Variants in PDE1B observed in about 807,000 individuals in gnomAD.
The protein encoded by PDE1B is dual specificity calcium/calmodulin-dependent 3',5'-cyclic nucleotide phosphodiesterase 1B.
Under a neutral mutation model 66.7 loss-of-function variants are expected in PDE1B, and 13 were observed. That is an observed-to-expected ratio of 0.19 (90% CI 0.13 to 0.31). PDE1B has a LOEUF of 0.31. Among genes scored for constraint, PDE1B ranks in the 10% least tolerant of loss-of-function variants. The probability of loss-of-function intolerance (pLI) is 1.00; values close to 1 mark genes in which losing one functional copy is unlikely to be tolerated. For synonymous variants in PDE1B, 230 were observed against 253.9 expected (o/e 0.91, Z 0.90); for missense variants, 485 against 682.3 (o/e 0.71, Z 3.22).
In PDE1B at chr12:54,569,073, CAGAG is replaced by C. The variant is rs779405154; in HGVS notation, c.228-108_228-105del. ...GAAAGAAAGGAAACAGGGTTGAAGA[CAGAG>C]AGCTGGCATGAGAGTTACTAAATGT... On this transcript the variant is annotated intron_variant, in intron 3 of 15. Transcript: ENST00000243052. The surrounding 1 kb of genome is among the most constrained non-coding windows in gnomAD (Gnocchi z 4.4). 7.5e-6 allele frequency: 11 copies of C among 1,462,302 alleles called. No individual in the cohort carries two copies. The African/African-American group carries it at 1.4e-4, about 19-fold the overall frequency. The allele number at this position is 1,462,302 out of a possible 1,614,324, so 90.6% of individuals were successfully genotyped here.
At chr12:54,572,336 T>A in intron 6 of PDE1B, 1 of 524,234 alleles carries the variant, frequency 1.9e-6, no homozygotes, top group South Asian at 2.8e-5. Flanking sequence ...AAATGCCTTG[T>A]ACTTATCTCA....
In PDE1B at chr12:54,569,566, C is replaced by A. The variant is rs779289555; in HGVS notation, c.431C>A (p.Thr144Asn). Residue 144 changes from threonine to asparagine, a missense_variant, in exon 5 of 16, where the codon ACC (threonine) becomes AAC (asparagine). This residue lies in a region of PDE1B where 282 missense variants were observed against 453.4 expected (regional missense o/e 0.62). Coordinates refer to ENST00000243052, the MANE Select transcript of PDE1B (RefSeq NM_000924.4). The surrounding 1 kb of genome is among the most constrained non-coding windows in gnomAD (Gnocchi z 4.4). ...CTCAGGATGTTCCGGAGAACATACA[C>A]CTCTGTGGGCCCCACTTACTCTACT... is the stretch of plus-strand genomic sequence containing the variant. Reference protein sequence around the residue: ...FVERMFRRTYTSVGPTYSTAV... With the variant: ...FVERMFRRTYNSVGPTYSTAV... 1.2e-6 allele frequency: 2 copies of A among 1,613,606 alleles called. No individual in the cohort carries two copies.
In PDE1B at chr12:54,573,394, G is replaced by A; in HGVS notation, c.876G>A (p.Leu292=). 10 of 1,614,032 alleles carry A rather than the reference G, an allele frequency of 6.2e-6. No individual in the cohort carries two copies. The highest frequency in any genetic ancestry group is 1.1e-5 in the South Asian group (1 of 91,080). The change falls in exon 9 of 16, where the codon CTG becomes CTA. Residue 292 remains leucine (L), a synonymous_variant. Transcript: ENST00000243052. The surrounding 1 kb of genome is among the most constrained non-coding windows in gnomAD (Gnocchi z 5.2). ...TCGTGTACAATGATCGTTCAGTGCT[G>A]GAGAATCACCACATCAGCTCTGTTT... ...CAIVYNDRSV[L]ENHHISSVFR...
At chr12:54,554,477 C>A (rs942933421) in intron 2 of PDE1B, 2 of 152,280 alleles carry the variant, frequency 1.3e-5, no homozygotes, top group Admixed American at 6.5e-5. Context: ...TTTCATACCC[C>A]ACTTTTCCAT....
At chr12:54,560,630 T>A (rs1054715073) in intron 2 of PDE1B, among the ~76,000 whole-genome samples, 6 of 152,294 alleles carry the variant, frequency 3.9e-5, no homozygotes, top group South Asian at 4.1e-4. Context: ...CACTTGGAGC[T>A]GCAGAGGCTG....
intron 6 of PDE1B, chr12:54,570,606 C>T (rs1352277886): frequency 4.3e-6 from 2 of 468,186 alleles, no homozygotes; most frequent in Non-Finnish European, 3.9e-6. Context: ...TCTGCTCTCT[C>T]CCGCTTTGCT....
chr12:54,550,352 G>T (rs1957258807), intron 2 of PDE1B: 1 of 673,752 alleles, frequency 1.5e-6, no homozygotes, highest in Non-Finnish European at 2.0e-6. Context: ...TTGTGCAGAT[G>T]TGAGCCACAT....
At chr12:54,563,081 C>A (rs1386595286) in intron 2 of PDE1B, among the ~76,000 whole-genome samples, 1 of 152,182 alleles carries the variant, frequency 6.6e-6, no homozygotes, top group Non-Finnish European at 1.5e-5. Flanking sequence ...GATTAATTTT[C>A]CCCTTTCCGT....
At position 54,567,047 on chromosome 12, in the gene PDE1B, A is replaced by G; in HGVS notation, c.187A>G (p.Thr63Ala). The G allele has an allele frequency of 3.1e-6, 5 of 1,610,026 alleles. No individual in the cohort carries two copies. Among genetic ancestry groups the G allele is most frequent in the Non-Finnish European group, 4.2e-6 (5 of 1,176,996 alleles). The change falls in exon 3 of 16, where the codon ACA (threonine) becomes GCA (alanine). Residue 63 changes from threonine to alanine, a missense_variant. Physicochemically the swap from Thr to Ala is moderately conservative, Grantham distance 58. This residue lies in a region of PDE1B where 74 missense variants were observed against 78.7 expected (regional missense o/e 0.94). Transcript: ENST00000243052. Reference protein sequence around the residue: ...IEELKKNLEYTASLLEAVYID... With the variant: ...IEELKKNLEYAASLLEAVYID... ...GGAGCTGAAGAAAAATCTGGAGTAC[A>G]CAGCTTCTCTGCTGGAAGCCGTCTA...
At chr12:54,572,775 A>G (rs1213610118) in intron 7 of PDE1B, 34 bp downstream of exon 7, 2 of 1,606,280 alleles carry the variant, frequency 1.2e-6, no homozygotes, top group South Asian at 2.2e-5. Context: ...TCTGTGATTC[A>G]GGGCCTATGG....
In PDE1B at chr12:54,569,734, C is replaced by T; in HGVS notation, c.477+122C>T. On this transcript the variant is annotated intron_variant, in intron 5 of 15. Coordinates refer to ENST00000243052, the MANE Select transcript of PDE1B (RefSeq NM_000924.4). This position sits in a 1 kb window ranked among gnomAD's most constrained non-coding sequence, Gnocchi z 4.4. ...TTTTTTTTTTTGAAATGGAGTCTCG[C>T]TCTTGTCACTCAGGCTGGAGTGCAG... 1.5e-6 allele frequency: 1 copy of T among 673,586 alleles called. No individual in the cohort carries two copies. Among genetic ancestry groups the T allele is most frequent in the Non-Finnish European group, 2.6e-6 (1 of 379,818 alleles). 41.7% of individuals were successfully genotyped at this position (673,586 alleles called of 1,614,324 possible). A position where few individuals can be genotyped will look rare whatever the true frequency, so the allele number is the denominator to read the frequency against.
chr12:54,565,338 C>A (rs1203620000), intron 2 of PDE1B, among the ~76,000 whole-genome samples: 2 of 152,176 alleles, frequency 1.3e-5, no homozygotes, highest in Admixed American at 6.5e-5. Context: ...GGGGACTGAT[C>A]GGCAGAGGGA....
At position 54,576,655 on chromosome 12, in the gene PDE1B, G is replaced by A; in HGVS notation, c.1461G>A (p.Lys487=). The part of the protein sequence containing the change: ...DVVSFRSTWV[K]RIQENKQKWK... ...TCAGCTTTCGTTCCACCTGGGTCAA[G>A]CGCATTCAGGAGAATAAGCAGAAAT... The change falls in exon 14 of 16, where the codon AAG becomes AAA. Residue 487 remains lysine, a synonymous_variant. Coordinates refer to ENST00000243052, the MANE Select transcript of PDE1B (RefSeq NM_000924.4). 1 of 1,613,812 alleles carries A rather than the reference G, an allele frequency of 6.2e-7. No individual in the cohort carries two copies.
rs1215440451 is a variant in PDE1B, at chr12:54,573,172, C to T, written c.760C>T (p.Leu254=). Reference sequence around the variant, plus strand: ...GCACTGCCTGTCGGAGATTGAGCTCCTGGCCATCATCTTTGCTGCAGCTAT... The same window carrying T: ...GCACTGCCTGTCGGAGATTGAGCTCTTGGCCATCATCTTTGCTGCAGCTAT... ...MVHCLSEIEL[L]AIIFAAAIHD... Residue 254 remains leucine (L), a synonymous_variant, in exon 8 of 16, where the codon CTG becomes TTG. Transcript: ENST00000243052. This position sits in a 1 kb window ranked among gnomAD's most constrained non-coding sequence, Gnocchi z 5.2. 1.9e-6 allele frequency: 3 copies of T among 1,613,944 alleles called. No individual in the cohort carries two copies. Among genetic ancestry groups the T allele is most frequent in the East Asian group, 2.2e-5 (1 of 44,890 alleles).
intron 14 of PDE1B, 153 bp from the exon 15 acceptor site, chr12:54,577,072 A>G: frequency 1.4e-6 from 1 of 700,826 alleles, no homozygotes; most frequent in Non-Finnish European, 2.4e-6. Flanking sequence ...GCAAGGCTGG[A>G]GAGGCTCTTC....
intron 2 of PDE1B, 22 bp downstream of exon 2, chr12:54,550,007 G>A: frequency 1.9e-6 from 3 of 1,611,570 alleles, no homozygotes; most frequent in Non-Finnish European, 8.5e-7. Context: ...GCCCGGGAAT[G>A]GGGGGAAGGG....
intron 2 of PDE1B, among the ~76,000 whole-genome samples, chr12:54,552,015 A>G (rs760729110): frequency 6.6e-6 from 1 of 152,246 alleles, no homozygotes; most frequent in Non-Finnish European, 1.5e-5. Context: ...CTTACCCAAA[A>G]AAGTACAATC....
In PDE1B at chr12:54,575,336, T is replaced by C; in HGVS notation, c.1185+118T>C. 1.1e-6 allele frequency: 1 copy of C among 935,300 alleles called. No homozygotes were observed. The highest frequency in any genetic ancestry group is 1.7e-6 in the Non-Finnish European group (1 of 587,708). The allele number at this position is 935,300 out of a possible 1,614,324, so 57.9% of individuals were successfully genotyped here. ...TTGCTACCTGTAGTCTCTGACCTGA[T>C]CCCAAATCCTTGGGGTAAAACCCCA... is the stretch of plus-strand genomic sequence containing the variant. On this transcript the variant is annotated intron_variant, in intron 11 of 15. Transcript: ENST00000243052. The surrounding 1 kb of genome is among the most constrained non-coding windows in gnomAD (Gnocchi z 4.0).
At chr12:54,560,831 G>A (rs1309899214) in intron 2 of PDE1B, among the ~76,000 whole-genome samples, 3 of 152,162 alleles carry the variant, frequency 2.0e-5, no homozygotes, top group Non-Finnish European at 4.4e-5. Context: ...TTACAAATGA[G>A]AAAACTGGGG....
Sources: gnomAD v4.1 joint callset for allele counts (sites outside exome capture counted in the v4.1 genomes callset) on GRCh38, gnomAD v4.1.1 for gene constraint, gnomAD v4.1.1 regional missense constraint, Gnocchi (gnomAD v3.1) non-coding constraint, MANE v1.5 for transcripts, NCBI Gene and HGNC (gene_info 2026-07-23, HGNC 2026-07-21) for gene names.